PCDH11X: variants seen among roughly 807,000 people sequenced by gnomAD.
PCDH11X encodes protocadherin-11 X-linked.
In PCDH11X, 18 loss-of-function variants were observed where a neutral mutation model predicts 53.3. The observed-to-expected ratio is 0.34, with a 90% CI of 0.23 to 0.50. PCDH11X has a LOEUF of 0.50. Among genes scored for constraint, PCDH11X ranks in the 20% least tolerant of loss-of-function variants. PCDH11X has a pLI of 0.98. For missense variants in PCDH11X, 570 were observed against 1,032.4 expected, an observed-to-expected ratio of 0.55 and a Z score of 6.14; for synonymous variants, 279 against 393.3, an observed-to-expected ratio of 0.71 and a Z score of 3.44.
At chrX:92,001,278 G>C (rs760328874) in intron 6 of PCDH11X, among the ~76,000 whole-genome samples, 195 of 110,805 alleles carry the variant, frequency 1.8e-3, no homozygotes, top group African/African-American at 6.1e-3. Context: ...ATTTTAACTG[G>C]GGTGAGATGA....
intron 7 of PCDH11X, among the ~76,000 whole-genome samples, chrX:92,214,922 C>T (rs886966056): frequency 1.8e-5 from 2 of 111,448 alleles, no homozygotes; most frequent in Non-Finnish European, 3.8e-5. Flanking sequence ...CTAACACATG[C>T]CTGTAGTCCC....
At chrX:92,551,646 G>C (rs1487829233) in intron 10 of PCDH11X, among the ~76,000 whole-genome samples, 2 of 108,956 alleles carry the variant, frequency 1.8e-5, no homozygotes, top group Admixed American at 9.9e-5. Flanking sequence ...GTCCTAGAGA[G>C]TTTCTCCAAT....
chrX:92,132,285 CAAAAAAAA>C lies in PCDH11X; in HGVS notation c.3034-69058_3034-69051del, dbSNP rs778221916. 1.6e-3 allele frequency among the ~76,000 whole-genome samples: 14 copies of C among 8,855 alleles called. 1 individual carries two copies. The highest frequency in any genetic ancestry group is 4.9e-3 in the African/African-American group (13 of 2,648). The allele number at this position is 8,855 out of a possible 115,157, so 7.7% of individuals were successfully genotyped here. A position where few individuals can be genotyped will look rare whatever the true frequency, so the allele number is the denominator to read the frequency against. ...GGGCAACAAGAGCAAACCTCTGTCTCAAAAAAAAAAAAAAAAAAAAAAAAAAAAAAAAA... is the reference window on the plus strand; with the variant it reads ...GGGCAACAAGAGCAAACCTCTGTCTCAAAAAAAAAAAAAAAAAAAAAAAAA... On this transcript the variant is annotated intron_variant, in intron 6 of 10. Coordinates refer to ENST00000682573, the MANE Select transcript of PCDH11X (RefSeq NM_032968.5).
intron 10 of PCDH11X, among the ~76,000 whole-genome samples, chrX:92,488,699 G>A (rs764736231): frequency 2.8e-4 from 30 of 105,959 alleles, no homozygotes; most frequent in East Asian, 1.8e-3. Flanking sequence ...AATCTGGCCT[G>A]CAGAAAAAGC....
intron 10 of PCDH11X, among the ~76,000 whole-genome samples, chrX:92,568,230 A>G (rs187062910): frequency 2.3e-4 from 25 of 109,859 alleles, no homozygotes; most frequent in African/African-American, 7.3e-4. Context: ...GACCATCCTG[A>G]CTAACACGGT....
chrX:92,363,979 A>T (rs754381799), intron 8 of PCDH11X, among the ~76,000 whole-genome samples: 5 of 111,163 alleles, frequency 4.5e-5, no homozygotes, highest in Admixed American at 9.6e-5. Flanking sequence ...TTGTATGTTG[A>T]ACTGTCTTTG....
At chrX:92,575,905 GTATATATATATATATATATA>G (rs58574424) in intron 10 of PCDH11X, among the ~76,000 whole-genome samples, 11 of 25,829 alleles carry the variant, frequency 4.3e-4, no homozygotes, top group Admixed American at 1.4e-3. Flanking sequence ...TACCTGGTGT[GTATATATATATATATATATA>G]TATATATATA....
rs780220408 is a variant in PCDH11X at position 92,008,746 on chromosome X, C to A, written c.3033+129473C>A. Among the ~76,000 whole-genome samples, 7 of 109,240 alleles carry A rather than the reference C, an allele frequency of 6.4e-5. No homozygotes were observed. The South Asian group carries it at 2.8e-3, about 43-fold the overall frequency. The allele number at this position is 109,240 out of a possible 115,157, so 94.9% of individuals were successfully genotyped here. On this transcript the variant is annotated intron_variant, in intron 6 of 10. Coordinates refer to ENST00000682573, the MANE Select transcript of PCDH11X (RefSeq NM_032968.5). ...CTGTCTCCCTTGTATATTTCCTGCT[C>A]TTTCCAAATTAATATGTTAATTTTT...
At chrX:92,101,116 G>A (rs1176767895) in intron 6 of PCDH11X, among the ~76,000 whole-genome samples, 1 of 111,876 alleles carries the variant, frequency 8.9e-6, no homozygotes, top group African/African-American at 3.3e-5. Context: ...AGCGGTTTGG[G>A]GATAGCACAA....
intron 10 of PCDH11X, among the ~76,000 whole-genome samples, chrX:92,504,130 T>C (rs2074009708): frequency 2.0e-5 from 2 of 102,539 alleles, no homozygotes; most frequent in Admixed American, 2.2e-4. Context: ...AACTTTTATT[T>C]TGAGTTCAGG....
At chrX:92,135,948 CA>C (rs1055910449) in intron 6 of PCDH11X, among the ~76,000 whole-genome samples, 8 of 109,794 alleles carry the variant, frequency 7.3e-5, no homozygotes, top group African/African-American at 2.6e-4. Context: ...ATGACATATG[CA>C]AAAAAAATGT....
chrX:92,417,600 G>C (rs1233660073), intron 9 of PCDH11X, among the ~76,000 whole-genome samples: 2 of 111,156 alleles, frequency 1.8e-5, no homozygotes, highest in African/African-American at 6.5e-5. Context: ...AATGTTCAGG[G>C]AGTCCTAATA....
intron 10 of PCDH11X, among the ~76,000 whole-genome samples, chrX:92,581,519 C>T (rs1254002467): frequency 2.7e-5 from 3 of 112,104 alleles, no homozygotes; most frequent in East Asian, 5.6e-4. Flanking sequence ...ATGCCTTTTG[C>T]TTCCACCATG....
intron 6 of PCDH11X, among the ~76,000 whole-genome samples, chrX:92,086,423 G>A (rs1391661402): frequency 1.8e-5 from 2 of 110,992 alleles, no homozygotes; most frequent in Admixed American, 1.9e-4. Flanking sequence ...CTTAATTAGA[G>A]ACTCCACTTC....
At chrX:92,106,112 CAT>C (rs1257215378) in intron 6 of PCDH11X, among the ~76,000 whole-genome samples, 2 of 110,078 alleles carry the variant, frequency 1.8e-5, no homozygotes, top group Middle Eastern at 4.2e-3. Flanking sequence ...ATCTTTCACA[CAT>C]ATCATTTATC....
chrX:92,385,918 A>T lies in PCDH11X; in HGVS notation c.3145-1817A>T, dbSNP rs1490996590. 9.2e-4 allele frequency among the ~76,000 whole-genome samples: 102 copies of T among 111,350 alleles called. 1 individual carries two copies. The highest frequency in any genetic ancestry group is 2.2e-3 in the Admixed American group (23 of 10,383). ...AGCAAGCTTTTCTTTTATTCAGTTTATTTTCTGCTCGTACTAATTCTGCTA... is the reference window on the plus strand; with the variant it reads ...AGCAAGCTTTTCTTTTATTCAGTTTTTTTTCTGCTCGTACTAATTCTGCTA... On this transcript the variant is annotated intron_variant, in intron 8 of 10. Transcript: ENST00000682573.
intron 6 of PCDH11X, among the ~76,000 whole-genome samples, chrX:92,133,709 A>G (rs2065034510): frequency 8.9e-6 from 1 of 112,710 alleles, no homozygotes; most frequent in Admixed American, 9.4e-5. Flanking sequence ...TTAGAATACA[A>G]GAACAATACA....
chrX:92,419,634 T>C (rs2071907314), intron 9 of PCDH11X, among the ~76,000 whole-genome samples: 1 of 104,687 alleles, frequency 9.6e-6, no homozygotes, highest in African/African-American at 3.4e-5. Context: ...TATTTGTCCC[T>C]TCTCTTTTCT....
intron 10 of PCDH11X, among the ~76,000 whole-genome samples, chrX:92,493,646 C>CTTTTT (rs780482413): frequency 3.6e-5 from 3 of 83,890 alleles, no homozygotes; most frequent in African/African-American, 1.4e-4. Flanking sequence ...GCCCCCTTAA[C>CTTTTT]TTTTTTTTTT....
Sources: gnomAD v4.1 joint callset for allele counts (sites outside exome capture counted in the v4.1 genomes callset) on GRCh38, gnomAD v4.1.1 for gene constraint, MANE v1.5 for transcripts, NCBI Gene and HGNC (gene_info 2026-07-23, HGNC 2026-07-21) for gene names.